Variants in G2E3 observed in about 807,000 individuals in gnomAD.
The protein encoded by G2E3 is G2/M phase-specific E3 ubiquitin-protein ligase.
Under a neutral mutation model 92.8 loss-of-function variants are expected in G2E3, and 35 were observed. The observed-to-expected ratio is 0.38, with a 90% CI of 0.29 to 0.50. The LOEUF is 0.50. G2E3 is among the 20% of genes least tolerant of loss of function. The pLI, the probability that G2E3 is intolerant of heterozygous loss-of-function variation, is 0.94. For missense variants in G2E3, 554 were observed against 823.8 expected, an observed-to-expected ratio of 0.67 and a Z score of 4.01; for synonymous variants, 242 against 272.4, an observed-to-expected ratio of 0.89 and a Z score of 1.10.
chr14:30,609,238 A>T (rs1453004563), intron 12 of G2E3, among the ~76,000 whole-genome samples: 3 of 151,052 alleles, frequency 2.0e-5, no homozygotes, highest in East Asian at 1.9e-4. Context: ...CCTCTTTACT[A>T]AAAAAAAAGT....
At chr14:30,591,524 G>C (rs1225678506) in intron 4 of G2E3, among the ~76,000 whole-genome samples, 1 of 152,086 alleles carries the variant, frequency 6.6e-6, no homozygotes, top group Non-Finnish European at 1.5e-5. Flanking sequence ...GTTCCTTCTA[G>C]AGGCACTAAG....
intron 1 of G2E3, among the ~76,000 whole-genome samples, chr14:30,570,467 A>C (rs569985085): frequency 6.6e-6 from 1 of 152,156 alleles, no homozygotes; most frequent in African/African-American, 2.4e-5. Flanking sequence ...ACTCCTATTA[A>C]GCATATATTG....
intron 1 of G2E3, among the ~76,000 whole-genome samples, chr14:30,566,887 C>G (rs1358851731): frequency 6.6e-6 from 1 of 152,140 alleles, no homozygotes; most frequent in Non-Finnish European, 1.5e-5. Context: ...GTGTTTTTAT[C>G]ATCAATGAGT....
chr14:30,612,702 C>T (rs1221413964), intron 13 of G2E3, among the ~76,000 whole-genome samples: 6 of 151,846 alleles, frequency 4.0e-5, no homozygotes, highest in South Asian at 2.1e-4. Context: ...TACTAAAATA[C>T]AAAAATTAGC....
intron 1 of G2E3, among the ~76,000 whole-genome samples, chr14:30,566,410 A>T (rs770623282): frequency 6.6e-6 from 1 of 152,134 alleles, no homozygotes; most frequent in Non-Finnish European, 1.5e-5. Flanking sequence ...ACAGTTCTTT[A>T]ATTTCTTTCA....
intron 1 of G2E3, among the ~76,000 whole-genome samples, chr14:30,564,571 C>T (rs545405839): frequency 4.6e-5 from 7 of 152,132 alleles, no homozygotes; most frequent in South Asian, 2.1e-4. Flanking sequence ...TAGCCTCAAG[C>T]GATCCTTCCA....
chr14:30,616,771 C>T lies in G2E3; in HGVS notation c.*237C>T. On this transcript the variant is annotated 3_prime_UTR_variant, in exon 15 of 15. Transcript: ENST00000206595. ...TCTCATTTTCTTGATATAGATACTT[C>T]ATAAACCTCAATATAAATACTCTCA... is the stretch of plus-strand genomic sequence containing the variant. 1 of 339,576 alleles carries T rather than the reference C, an allele frequency of 2.9e-6. No homozygotes were observed. Among genetic ancestry groups the T allele is most frequent in the Non-Finnish European group, 5.3e-6 (1 of 188,532 alleles). The allele number at this position is 339,576 out of a possible 1,614,324, so 21.0% of individuals were successfully genotyped here. A position where few individuals can be genotyped will look rare whatever the true frequency, so the allele number is the denominator to read the frequency against.
At chr14:30,597,285 A>G (rs1881336281) in intron 6 of G2E3, 135 bp from the exon 7 acceptor site, 2 of 614,144 alleles carry the variant, frequency 3.3e-6, no homozygotes, top group African/African-American at 3.8e-5. Context: ...TTATAAGGAC[A>G]AAGTTTGAGA....
chr14:30,606,089 A>G (rs1881819053), intron 11 of G2E3, among the ~76,000 whole-genome samples: 1 of 152,162 alleles, frequency 6.6e-6, no homozygotes, highest in African/African-American at 2.4e-5. Context: ...TCTTAACTCT[A>G]ATTTCATTTT....
intron 11 of G2E3, among the ~76,000 whole-genome samples, chr14:30,606,436 A>G (rs1305674202): frequency 6.6e-6 from 1 of 152,118 alleles, no homozygotes; most frequent in Non-Finnish European, 1.5e-5. Context: ...ATTTCCTACT[A>G]TATTTTCTGT....
rs112895250 is a variant in G2E3, at chr14:30,616,542, C to G, written c.*8C>G. Reference sequence around the variant, plus strand: ...CATTACATTGGACATTAAAATGTTTCCTTGAACAAAGAGAAGCTTCTTTAA... The same window carrying G: ...CATTACATTGGACATTAAAATGTTTGCTTGAACAAAGAGAAGCTTCTTTAA... On this transcript the variant is annotated 3_prime_UTR_variant, in exon 15 of 15. Coordinates refer to ENST00000206595, the MANE Select transcript of G2E3 (RefSeq NM_017769.5). The G allele has an allele frequency of 7.7e-6, 12 of 1,564,678 alleles. No individual in the cohort carries two copies. In the African/African-American group the frequency reaches 8.3e-5, roughly 11 times the overall value.
chr14:30,612,107 T>C (rs1016940286), intron 12 of G2E3, 100 bp from the exon 13 acceptor site: 36 of 790,946 alleles, frequency 4.6e-5, no homozygotes, highest in Non-Finnish European at 7.7e-5. Flanking sequence ...CACCCATATG[T>C]ACTAAGAAAT....
intron 1 of G2E3, among the ~76,000 whole-genome samples, chr14:30,578,895 C>T (rs1394541347): frequency 6.6e-6 from 1 of 152,068 alleles, no homozygotes; most frequent in African/African-American, 2.4e-5. Flanking sequence ...TTTCTTGTAC[C>T]ATTTGTTTAA....
intron 6 of G2E3, among the ~76,000 whole-genome samples, chr14:30,594,204 T>C (rs1481971092): frequency 6.6e-6 from 1 of 152,226 alleles, no homozygotes; most frequent in African/African-American, 2.4e-5. Context: ...GACAATTTAA[T>C]AATTCTTTGA....
intron 10 of G2E3, 38 bp from the exon 11 acceptor site, chr14:30,605,467 A>C (rs778861203): frequency 3.8e-5 from 29 of 773,230 alleles, no homozygotes; most frequent in Non-Finnish European, 5.4e-5. Flanking sequence ...AAAGTACTTT[A>C]AAGTACTTAT....
chr14:30,575,775 CA>C (rs1389361952), intron 1 of G2E3, among the ~76,000 whole-genome samples: 2 of 151,966 alleles, frequency 1.3e-5, no homozygotes, highest in African/African-American at 4.8e-5. Context: ...ACAGTGGCTA[CA>C]AAAAGAATGA....
Position 30,564,583 on chromosome 14 carries a change from C to T in G2E3, c.-5+5311C>T, listed in dbSNP as rs563707332. 2.8e-4 allele frequency among the ~76,000 whole-genome samples: 43 copies of T among 152,180 alleles called. 1 individual carries two copies. The highest frequency in any genetic ancestry group is 9.2e-4 in the African/African-American group (38 of 41,516). ...ACCTAGCCTCAAGCGATCCTTCCACCTCAGCCTCCCAAAGTGCTGGAATTA... is the reference window on the plus strand; with the variant it reads ...ACCTAGCCTCAAGCGATCCTTCCACTTCAGCCTCCCAAAGTGCTGGAATTA... On this transcript the variant is annotated intron_variant, in intron 1 of 14. Transcript: ENST00000206595.
intron 7 of G2E3, 67 bp downstream of exon 7, chr14:30,597,593 A>G (rs1881351211): frequency 1.2e-6 from 1 of 859,676 alleles, no homozygotes; most frequent in Non-Finnish European, 2.0e-6. Context: ...AGCAATGGAA[A>G]TGATCACTTA....
At chr14:30,563,600 TGGTAG>T (rs918879731) in intron 1 of G2E3, among the ~76,000 whole-genome samples, 1 of 148,974 alleles carries the variant, frequency 6.7e-6, no homozygotes, top group African/African-American at 2.5e-5. Context: ...AGCCAATGGG[TGGTAG>T]GGTGGGGTGG....
Sources: gnomAD v4.1 joint callset for allele counts (sites outside exome capture counted in the v4.1 genomes callset) on GRCh38, gnomAD v4.1.1 for gene constraint, MANE v1.5 for transcripts, NCBI Gene and HGNC (gene_info 2026-07-23, HGNC 2026-07-21) for gene names.